Variants in BCAS3 observed in about 807,000 individuals in gnomAD.
BCAS3 encodes BCAS4/BCAS3 fusion.
A neutral mutation model predicts 116.1 loss-of-function variants in BCAS3; 53 were observed. The observed-to-expected ratio is 0.46, with a 90% CI of 0.37 to 0.57. The LOEUF (loss-of-function observed/expected upper bound fraction) is 0.57. Ranked by LOEUF, BCAS3 falls within the 20% of genes least tolerant of loss-of-function variation. The probability of loss-of-function intolerance (pLI) is 0.00; values close to 1 mark genes in which losing one functional copy is unlikely to be tolerated. For synonymous variants in BCAS3, 391 were observed against 408.2 expected (o/e 0.96, Z 0.51); for missense variants, 917 against 1,165.4 (o/e 0.79, Z 3.10).
chr17:61,163,104 G>A (rs190153892), intron 22 of BCAS3, among the ~76,000 whole-genome samples: 4 of 152,034 alleles, frequency 2.6e-5, no homozygotes, highest in East Asian at 1.9e-4. Flanking sequence ...AAAACCCTGC[G>A]GCACACACGA....
intron 10 of BCAS3, among the ~76,000 whole-genome samples, chr17:60,901,606 G>A (rs1404175545): frequency 1.3e-5 from 2 of 151,960 alleles, no homozygotes; most frequent in Admixed American, 6.6e-5. Flanking sequence ...TACTTTTAAG[G>A]GTGTTCCATT....
chr17:61,005,353 G>A (rs2064594839), intron 15 of BCAS3, among the ~76,000 whole-genome samples: 1 of 151,906 alleles, frequency 6.6e-6, no homozygotes, highest in South Asian at 2.1e-4. Flanking sequence ...TGGAGTATTG[G>A]TTTCCTGTTT....
intron 22 of BCAS3, among the ~76,000 whole-genome samples, chr17:61,303,270 TAA>T (rs2053589846): frequency 6.6e-6 from 1 of 152,176 alleles, no homozygotes; most frequent in African/African-American, 2.4e-5. Context: ...CTGAGCTGCC[TAA>T]AACAAGAATA....
In BCAS3 at chr17:61,361,772, C is replaced by T. The variant is rs1348124699; in HGVS notation, c.2426-6555C>T. ...ACCAAGAAGGCTGGTGGTATATAAC[C>T]AGGGGAGCTGATGGTGTAAGTCCCG... On this transcript the variant is annotated intron_variant, in intron 22 of 23. Coordinates refer to ENST00000407086, the MANE Select transcript of BCAS3 (RefSeq NM_017679.5). The surrounding 1 kb of genome is among the most constrained non-coding windows in gnomAD (Gnocchi z 6.5). 6.6e-6 allele frequency: 1 copy of T among 152,122 alleles called. No homozygotes were observed. The highest frequency in any genetic ancestry group is 1.5e-5 in the Non-Finnish European group (1 of 68,034). The allele number at this position is 152,122 out of a possible 1,614,324, so 9.4% of individuals were successfully genotyped here.
rs902523632 is a variant in BCAS3 at position 61,315,501 on chromosome 17, C to A, written c.2426-52826C>A. 6.6e-6 allele frequency among the ~76,000 whole-genome samples: 1 copy of A among 152,322 alleles called. No individual in the cohort carries two copies. Among genetic ancestry groups the A allele is most frequent in the Non-Finnish European group, 1.5e-5 (1 of 68,022 alleles). On this transcript the variant is annotated intron_variant, in intron 22 of 23. Transcript: ENST00000407086. This position sits in a 1 kb window ranked among gnomAD's most constrained non-coding sequence, Gnocchi z 5.3. ...TAGCTGGCAGCGGTGCCATTGCTTT[C>A]GCCTCAGGCTTCCTAGAGCAAAGAA...
chr17:61,388,812 C>G lies in BCAS3; in HGVS notation c.2594-3165C>G. On this transcript the variant is annotated intron_variant, in intron 23 of 23. Transcript: ENST00000407086. This position sits in a 1 kb window ranked among gnomAD's most constrained non-coding sequence, Gnocchi z 6.5. The stretch of plus-strand genomic sequence containing the variant: ...GCCCTCCTCCCCTCCACTTCCCACA[C>G]ACACCCCTGCCTGCAGGGGGAGGAG... 1 of 1,104,366 alleles carries G rather than the reference C, an allele frequency of 9.1e-7. No homozygotes were observed. The highest frequency in any genetic ancestry group is 1.3e-6 in the Non-Finnish European group (1 of 774,548). 68.4% of individuals were successfully genotyped at this position (1,104,366 alleles called of 1,614,324 possible).
chr17:61,271,710 G>C (rs145046578), intron 22 of BCAS3, among the ~76,000 whole-genome samples: 3,247 of 151,570 alleles, frequency 0.021, 55 homozygotes, highest in Middle Eastern at 0.086. Flanking sequence ...AGCTGCCTCA[G>C]CCTGCCAAAG....
At chr17:60,802,371 CAT>C (rs533515914) in intron 6 of BCAS3, among the ~76,000 whole-genome samples, 122 of 111,706 alleles carry the variant, frequency 1.1e-3, no homozygotes, top group Middle Eastern at 9.3e-3. Context: ...TACATACATA[CAT>C]ATATATATAT....
Position 61,124,417 on chromosome 17 carries a change from A to C in BCAS3, c.2425+39853A>C, listed in dbSNP as rs1408546301. 1.3e-5 allele frequency among the ~76,000 whole-genome samples: 2 copies of C among 152,052 alleles called. No homozygotes were observed. The highest frequency in any genetic ancestry group is 1.3e-4 in the Admixed American group (2 of 15,244). ...AATATAACAATGCATCTTTTTATTTAGTTTGTTAACTACATTCTATTGTAG... is the reference window on the plus strand; with the variant it reads ...AATATAACAATGCATCTTTTTATTTCGTTTGTTAACTACATTCTATTGTAG... On this transcript the variant is annotated intron_variant, in intron 22 of 23. Transcript: ENST00000407086. This position sits in a 1 kb window ranked among gnomAD's most constrained non-coding sequence, Gnocchi z 4.6.
At chr17:61,271,625 G>GTT (rs2050283352) in intron 22 of BCAS3, among the ~76,000 whole-genome samples, 1 of 133,298 alleles carries the variant, frequency 7.5e-6, no homozygotes, top group South Asian at 2.5e-4. Context: ...GTGTGTGTGT[G>GTT]TGTGTGTGTT....
chr17:61,185,870 T>C (rs1363557780), intron 22 of BCAS3, among the ~76,000 whole-genome samples: 1 of 152,196 alleles, frequency 6.6e-6, no homozygotes, highest in Admixed American at 6.5e-5. Flanking sequence ...TACTCATGTT[T>C]GGCTAAAAAT....
Position 61,261,517 on chromosome 17 carries a change from T to C in BCAS3, c.2426-106810T>C, listed in dbSNP as rs1162206916. On this transcript the variant is annotated intron_variant, in intron 22 of 23. Coordinates refer to ENST00000407086, the MANE Select transcript of BCAS3 (RefSeq NM_017679.5). This position sits in a 1 kb window ranked among gnomAD's most constrained non-coding sequence, Gnocchi z 4.4. ...CACATCTGTTTTCCAACCTCATTAC[T>C]CTTCTGTTATTACATTCATTAGAAA... 6.6e-6 allele frequency among the ~76,000 whole-genome samples: 1 copy of C among 152,216 alleles called. No individual in the cohort carries two copies. The highest frequency in any genetic ancestry group is 1.5e-5 in the Non-Finnish European group (1 of 68,034).
At chr17:61,160,821 T>C (rs2078129709) in intron 22 of BCAS3, among the ~76,000 whole-genome samples, 1 of 152,196 alleles carries the variant, frequency 6.6e-6, no homozygotes, top group Admixed American at 6.5e-5. Flanking sequence ...TTTTGGAGCT[T>C]TGATGTGTTC....
At position 61,008,482 on chromosome 17, in the gene BCAS3, T is replaced by C. The variant is rs1470097689; in HGVS notation, c.1487-7269T>C. ...CAAGAACTAAGCAGTGTTTTTAACT[T>C]TTCAGAGCCCACATTTCCAGTGACT... is the stretch of plus-strand genomic sequence containing the variant. On this transcript the variant is annotated intron_variant, in intron 15 of 23. Coordinates refer to ENST00000407086, the MANE Select transcript of BCAS3 (RefSeq NM_017679.5). This position sits in a 1 kb window ranked among gnomAD's most constrained non-coding sequence, Gnocchi z 4.6. Among the ~76,000 whole-genome samples the C allele has an allele frequency of 6.6e-6, 1 of 152,090 alleles. No individual in the cohort carries two copies. Among genetic ancestry groups the C allele is most frequent in the Non-Finnish European group, 1.5e-5 (1 of 67,974 alleles).
chr17:60,778,607 T>C (rs921991476), intron 6 of BCAS3, among the ~76,000 whole-genome samples: 2 of 152,204 alleles, frequency 1.3e-5, no homozygotes, highest in Non-Finnish European at 2.9e-5. Context: ...CCTGGGAAAT[T>C]GGTGCTTACT....
At chr17:60,786,653 A>G (rs1043991036) in intron 6 of BCAS3, among the ~76,000 whole-genome samples, 6 of 152,134 alleles carry the variant, frequency 3.9e-5, no homozygotes, top group East Asian at 1.9e-4. Flanking sequence ...CTTATTGGCA[A>G]GACTCATGAA....
intron 4 of BCAS3, among the ~76,000 whole-genome samples, chr17:60,691,333 A>G (rs2034795506): frequency 6.6e-6 from 1 of 152,092 alleles, no homozygotes; most frequent in Admixed American, 6.6e-5. Context: ...CAGTGAACGT[A>G]CCATTTTTCA....
chr17:60,858,681 G>A (rs2053889480), intron 7 of BCAS3, among the ~76,000 whole-genome samples: 1 of 152,062 alleles, frequency 6.6e-6, no homozygotes. Flanking sequence ...TTTTCAGAGT[G>A]ACTGTACCAT....
chr17:61,225,283 C>A (rs556126397), intron 22 of BCAS3, among the ~76,000 whole-genome samples: 1 of 152,040 alleles, frequency 6.6e-6, no homozygotes, highest in African/African-American at 2.4e-5. Flanking sequence ...AATAATCACC[C>A]CTTTTCACAT....
Sources: gnomAD v4.1 joint callset for allele counts (sites outside exome capture counted in the v4.1 genomes callset) on GRCh38, gnomAD v4.1.1 for gene constraint, Gnocchi (gnomAD v3.1) non-coding constraint, MANE v1.5 for transcripts, NCBI Gene and HGNC (gene_info 2026-07-23, HGNC 2026-07-21) for gene names.